Variants in CRYL1 observed in about 807,000 individuals in gnomAD.
CRYL1 encodes the protein crystallin lambda 1, also known as lambda-crystallin homolog.
CRYL1 carries 29 observed loss-of-function variants against 36.6 expected under a neutral mutation model. The ratio of observed to expected loss-of-function variants is 0.79; its 90% confidence interval spans 0.59 to 1.08. The LOEUF (loss-of-function observed/expected upper bound fraction) is 1.08, where lower values mean the gene tolerates loss of function less well. CRYL1 is among the 50% of genes least tolerant of loss of function. CRYL1 has a pLI of 0.00. For missense variants in CRYL1, 411 were observed against 407.9 expected, an observed-to-expected ratio of 1.01 and a Z score of -0.06; for synonymous variants, 152 against 151.5, an observed-to-expected ratio of 1.00 and a Z score of -0.02.
chr13:20,471,621 A>T (rs573687365), intron 3 of CRYL1, among the ~76,000 whole-genome samples: 1 of 151,906 alleles, frequency 6.6e-6, no homozygotes, highest in East Asian at 1.9e-4. Context: ...AAAAAGGAAA[A>T]GACAAAGGAA....
chr13:20,427,891 T>A (rs7338586), intron 5 of CRYL1, among the ~76,000 whole-genome samples: 59,398 of 151,780 alleles, frequency 0.39, 12,870 homozygotes, highest in East Asian at 0.55. Context: ...TACCGAGAAC[T>A]TTATGCTCTT....
At chr13:20,438,562 C>G (rs1211964587) in intron 4 of CRYL1, among the ~76,000 whole-genome samples, 1 of 152,182 alleles carries the variant, frequency 6.6e-6, no homozygotes, top group African/African-American at 2.4e-5. Flanking sequence ...TGTGCTCATG[C>G]CACCAGGCTG....
intron 6 of CRYL1, among the ~76,000 whole-genome samples, chr13:20,408,236 C>T (rs2031427717): frequency 6.6e-6 from 1 of 152,134 alleles, no homozygotes; most frequent in Non-Finnish European, 1.5e-5. Context: ...AGCAAGTCCC[C>T]GCCCATCAGC....
chr13:20,509,323 A>G (rs764866047), intron 2 of CRYL1, among the ~76,000 whole-genome samples: 3 of 149,626 alleles, frequency 2.0e-5, no homozygotes, highest in African/African-American at 4.9e-5. Context: ...TCCTGACTAT[A>G]TGACTTTGAG....
chr13:20,412,053 A>G (rs1026597559), intron 6 of CRYL1, among the ~76,000 whole-genome samples: 3 of 152,092 alleles, frequency 2.0e-5, no homozygotes, highest in Non-Finnish European at 2.9e-5. Context: ...CCAACTCTCA[A>G]CCTCCCCTCT....
intron 2 of CRYL1, among the ~76,000 whole-genome samples, chr13:20,495,405 C>G (rs2033587624): frequency 6.6e-6 from 1 of 152,102 alleles, no homozygotes; most frequent in Non-Finnish European, 1.5e-5. Context: ...GAAATGTTAA[C>G]AATTCTCACG....
intron 3 of CRYL1, among the ~76,000 whole-genome samples, chr13:20,448,167 GGT>G (rs2032496011): frequency 6.6e-6 from 1 of 152,102 alleles, no homozygotes; most frequent in Non-Finnish European, 1.5e-5. Context: ...GAATGTCTTT[GGT>G]TCATCAGTAG....
intron 2 of CRYL1, among the ~76,000 whole-genome samples, chr13:20,501,941 C>T (rs1428468543): frequency 1.3e-5 from 2 of 152,194 alleles, no homozygotes; most frequent in Non-Finnish European, 2.9e-5. Context: ...AGTCAGAAGA[C>T]AGCCCAACCA....
intron 1 of CRYL1, among the ~76,000 whole-genome samples, chr13:20,519,750 G>A (rs1481447139): frequency 1.3e-5 from 2 of 152,130 alleles, no homozygotes; most frequent in East Asian, 1.9e-4. Context: ...TCTATAGATT[G>A]AAAGAGCTAA....
At chr13:20,484,049 A>G (rs1024883886) in intron 3 of CRYL1, among the ~76,000 whole-genome samples, 2 of 152,122 alleles carry the variant, frequency 1.3e-5, no homozygotes, top group African/African-American at 2.4e-5. Context: ...ATCTCCTGAC[A>G]TCGTGATCTG....
chr13:20,513,779 T>C (rs1178449187), intron 1 of CRYL1: 1 of 152,158 alleles, frequency 6.6e-6, no homozygotes, highest in African/African-American at 2.4e-5. Context: ...AGTCCAAGTC[T>C]TGGTTTCCAA....
chr13:20,439,335 A>T (rs2032300338), intron 4 of CRYL1, among the ~76,000 whole-genome samples: 2 of 152,234 alleles, frequency 1.3e-5, no homozygotes, highest in Admixed American at 1.3e-4. Context: ...ACAGATAAAA[A>T]TCCAAGGAAT....
At chr13:20,488,381 A>G (rs529079051) in intron 3 of CRYL1, among the ~76,000 whole-genome samples, 1 of 152,356 alleles carries the variant, frequency 6.6e-6, no homozygotes, top group Admixed American at 6.5e-5. Flanking sequence ...AGAAAGAGAT[A>G]AGAAGTTGAA....
chr13:20,420,229 G>A (rs921190813), intron 5 of CRYL1, among the ~76,000 whole-genome samples: 15 of 152,216 alleles, frequency 9.9e-5, no homozygotes, highest in Non-Finnish European at 2.9e-5. Context: ...CCAAGAGGAC[G>A]CGCAGGAGTC....
chr13:20,519,268 C>A (rs2034055111), intron 1 of CRYL1, among the ~76,000 whole-genome samples: 1 of 152,060 alleles, frequency 6.6e-6, no homozygotes, highest in African/African-American at 2.4e-5. Context: ...AAGGGAGCTG[C>A]CATCTGCATC....
chr13:20,512,641 A>G (rs2137510659), intron 1 of CRYL1, 91 bp from the exon 2 acceptor site: 2 of 865,584 alleles, frequency 2.3e-6, no homozygotes, highest in South Asian at 3.1e-5. Context: ...TTAAATTCAC[A>G]GTATCCTATT....
chr13:20,427,692 G>A (rs1468670947), intron 5 of CRYL1, among the ~76,000 whole-genome samples: 1 of 146,710 alleles, frequency 6.8e-6, no homozygotes, highest in Non-Finnish European at 1.5e-5. Context: ...GACTGAAAAC[G>A]GGAAAATAAA....
chr13:20,454,666 G>T (rs560971534), intron 3 of CRYL1, among the ~76,000 whole-genome samples: 1 of 151,968 alleles, frequency 6.6e-6, no homozygotes, highest in African/African-American at 2.4e-5. Context: ...TGATCCACCC[G>T]CCTCGGCCTC....
chr13:20,492,003 G>A (rs2033523242), intron 2 of CRYL1, among the ~76,000 whole-genome samples: 1 of 152,154 alleles, frequency 6.6e-6, no homozygotes, highest in East Asian at 1.9e-4. Flanking sequence ...AAACATCATG[G>A]AGGGAAATAT....
Sources: gnomAD v4.1 joint callset for allele counts (sites outside exome capture counted in the v4.1 genomes callset) on GRCh38, gnomAD v4.1.1 for gene constraint, MANE v1.5 for transcripts, NCBI Gene and HGNC (gene_info 2026-07-23, HGNC 2026-07-21) for gene names.